Variants in TRIM63 observed in about 807,000 individuals in gnomAD.
The protein encoded by TRIM63 is E3 ubiquitin-protein ligase TRIM63.
Under a neutral mutation model 46.0 loss-of-function variants are expected in TRIM63, and 48 were observed. The ratio of observed to expected loss-of-function variants is 1.04; its 90% CI spans 0.83 to 1.33. The LOEUF is 1.33. Among genes scored for constraint, TRIM63 ranks in the 40% most tolerant of loss-of-function variants. TRIM63 has a pLI of 0.00. For synonymous variants in TRIM63, 175 were observed against 162.8 expected (o/e 1.08, Z -0.57); for missense variants, 455 against 441.2 (o/e 1.03, Z -0.28).
rs1482065168 is a variant in TRIM63 at position 26,057,659 on chromosome 1, G to A, written c.832-9C>T. 6.2e-7 allele frequency: 1 copy of A among 1,607,642 alleles called. No homozygotes were observed. On this transcript the variant is annotated splice_polypyrimidine_tract_variant and intron_variant, in intron 5 of 8. Coordinates refer to ENST00000374272, the MANE Select transcript of TRIM63 (RefSeq NM_032588.4). ...ATGAGTTGCTTGGCAGTCTGCAGGGGGAGAGAGAACAAAGGATTAGGACCG... is the reference window on the plus strand; with the variant it reads ...ATGAGTTGCTTGGCAGTCTGCAGGGAGAGAGAGAACAAAGGATTAGGACCG...
intron 5 of TRIM63, 115 bp from the exon 6 acceptor site, chr1:26,057,765 A>G (rs543837802): frequency 3.1e-5 from 34 of 1,090,428 alleles, no homozygotes; most frequent in Non-Finnish European, 4.3e-5. Context: ...TCCCTAGCCC[A>G]GTTGTGACCT....
At chr1:26,063,435 T>G (rs2050645871) in intron 2 of TRIM63, among the ~76,000 whole-genome samples, 1 of 152,186 alleles carries the variant, frequency 6.6e-6, no homozygotes, top group South Asian at 2.1e-4. Context: ...CTGAAGTTCT[T>G]AAATATGCCC....
rs531507702 is a variant in TRIM63 at position 26,052,875 on chromosome 1, C to G, written c.1052-992G>C. Among the ~76,000 whole-genome samples the G allele has an allele frequency of 2.0e-5, 3 of 152,306 alleles. No individual in the cohort carries two copies. In the East Asian group the frequency reaches 5.8e-4, roughly 29 times the overall value. ...TCTAAACTTTCACAAGGTGAAAATG[C>G]AGATTCTTAGTTCAAATCTCCTTTT... On this transcript the variant is annotated intron_variant, in intron 8 of 8. Transcript: ENST00000374272.
chr1:26,054,076 G>T, intron 7 of TRIM63, 112 bp from the exon 8 acceptor site: 1 of 702,952 alleles, frequency 1.4e-6, no homozygotes, highest in Non-Finnish European at 2.3e-6. Flanking sequence ...GCCCAGTCGG[G>T]TCAAACGGCC....
intron 2 of TRIM63, among the ~76,000 whole-genome samples, chr1:26,062,519 G>A (rs1050696731): frequency 2.1e-4 from 32 of 152,334 alleles, no homozygotes; most frequent in Admixed American, 1.9e-3. Flanking sequence ...GCTCAGAGAA[G>A]GAGCAGTGTG....
chr1:26,057,248 A>G lies in TRIM63; in HGVS notation c.934T>C (p.Leu312=). 6.2e-7 allele frequency: 1 copy of G among 1,614,164 alleles called. No individual in the cohort carries two copies. The highest frequency in any genetic ancestry group is 8.5e-7 in the Non-Finnish European group (1 of 1,180,024). ...CTCAGGGCGTCTGCTATGTGCTCTAAATCCAAAGTAAAGAAGTCCATGTTC... is the reference window on the plus strand; with the variant it reads ...CTCAGGGCGTCTGCTATGTGCTCTAGATCCAAAGTAAAGAAGTCCATGTTC... The part of the protein sequence containing the change: ...FENMDFFTLD[L]EHIADALRAI... Residue 312 remains leucine (L), a synonymous_variant, in exon 7 of 9, where the codon TTA becomes CTA. Coordinates refer to ENST00000374272, the MANE Select transcript of TRIM63 (RefSeq NM_032588.4).
intron 6 of TRIM63, 31 bp downstream of exon 6, chr1:26,057,597 C>A: frequency 6.2e-7 from 1 of 1,605,978 alleles, no homozygotes; most frequent in Non-Finnish European, 8.5e-7. Context: ...GAACTAGGTG[C>A]TTGGATCATA....
chr1:26,066,240 C>A (rs374996755), intron 2 of TRIM63, 28 bp downstream of exon 2: 2 of 1,612,234 alleles, frequency 1.2e-6, no homozygotes, highest in South Asian at 2.2e-5. Context: ...GGAAGGAGGG[C>A]GGGCCCCCAG....
In TRIM63 at chr1:26,058,380, T is replaced by G. The variant is rs2050590894; in HGVS notation, c.831+10A>C. ...ACTGACCCCACCCAGACCCTTCTAG[T>G]CCTGCTCACCAAGAGGAAGGTGGCT... On this transcript the variant is annotated intron_variant, in intron 5 of 8. Transcript: ENST00000374272. The G allele has an allele frequency of 1.2e-6, 2 of 1,612,710 alleles. No homozygotes were observed. Among genetic ancestry groups the G allele is most frequent in the East Asian group, 4.5e-5 (2 of 44,876 alleles).
intron 3 of TRIM63, among the ~76,000 whole-genome samples, chr1:26,060,679 AAG>A (rs1057117917): frequency 4.6e-5 from 7 of 152,214 alleles, no homozygotes; most frequent in African/African-American, 1.7e-4. Context: ...AGACGTCTAG[AAG>A]AGAGAGACCT....
chr1:26,055,507 C>T (rs2050562709), intron 7 of TRIM63, among the ~76,000 whole-genome samples: 3 of 149,484 alleles, frequency 2.0e-5, no homozygotes, highest in African/African-American at 4.9e-5. Flanking sequence ...ATATCTATTT[C>T]TTTCTTTTTT....
chr1:26,067,481 G>C lies in TRIM63; in HGVS notation c.14C>G (p.Ser5Trp), dbSNP rs762015648. 1 of 1,614,016 alleles carries C rather than the reference G, an allele frequency of 6.2e-7. No individual in the cohort carries two copies. The highest frequency in any genetic ancestry group is 8.5e-7 in the Non-Finnish European group (1 of 1,180,014). The change falls in exon 1 of 9, where the codon TCG becomes TGG. Residue 5 changes from serine (S) to tryptophan (W), a missense_variant. Ser to Trp is a radical substitution (Grantham distance 177, BLOSUM62 -3). Coordinates refer to ENST00000374272, the MANE Select transcript of TRIM63 (RefSeq NM_032588.4). Reference protein sequence around the residue: MDYKSSLIQDGNPME... With the variant: MDYKWSLIQDGNPME... ...GGGATTCCCATCCTGGATCAGGCTC[G>C]ACTTATAATCCATTCTGTGGGAAGG...
chr1:26,054,209 C>T (rs1273847902), intron 7 of TRIM63, among the ~76,000 whole-genome samples: 1 of 141,118 alleles, frequency 7.1e-6, no homozygotes, highest in Non-Finnish European at 1.6e-5. Context: ...CTTCCTTGCT[C>T]CAGCAACAGC....
intron 4 of TRIM63, 125 bp downstream of exon 4, chr1:26,060,141 C>T (rs1403531071): frequency 2.9e-6 from 2 of 683,698 alleles, no homozygotes; most frequent in Non-Finnish European, 5.1e-6. Flanking sequence ...CCCTGCCATC[C>T]CTGCTTGACC....
intron 6 of TRIM63, 127 bp from the exon 7 acceptor site, chr1:26,057,454 C>T (rs2050583538): frequency 2.1e-6 from 3 of 1,419,300 alleles, no homozygotes; most frequent in African/African-American, 1.4e-5. Context: ...GGAGTATTTC[C>T]TCTCCAACCT....
intron 2 of TRIM63, 61 bp downstream of exon 2, chr1:26,066,207 G>A (rs1048098390): frequency 1.3e-6 from 2 of 1,580,244 alleles, no homozygotes; most frequent in South Asian, 1.1e-5. Context: ...AGGAGCGTGG[G>A]GGATCTAGGC....
intron 5 of TRIM63, 149 bp downstream of exon 5, chr1:26,058,241 T>A (rs532291447): frequency 3.0e-6 from 2 of 667,076 alleles, no homozygotes; most frequent in African/African-American, 1.8e-5. Context: ...GGGTGTTACA[T>A]GCCCATTTGA....
chr1:26,063,833 G>A (rs774575235), intron 2 of TRIM63, among the ~76,000 whole-genome samples: 3 of 152,310 alleles, frequency 2.0e-5, no homozygotes, highest in African/African-American at 4.8e-5. Context: ...TCAACTATGC[G>A]GAAAGGCCTC....
At chr1:26,062,137 G>C (rs995068410) in intron 2 of TRIM63, among the ~76,000 whole-genome samples, 2 of 152,056 alleles carry the variant, frequency 1.3e-5, no homozygotes, top group Admixed American at 1.3e-4. Context: ...AGGCATGGTG[G>C]CATGCACCTG....
Sources: allele counts gnomAD v4.1 joint callset (sites outside exome capture counted in the v4.1 genomes callset), GRCh38; gene constraint gnomAD v4.1.1; transcripts MANE v1.5; gene names NCBI Gene and HGNC (gene_info 2026-07-23, HGNC 2026-07-21).